The following AAMDC variants were observed in gnomAD, a reference collection of about 807,000 sequenced individuals.
The protein encoded by AAMDC is mth938 domain-containing protein.
In AAMDC, 16 loss-of-function variants were observed where a neutral mutation model predicts 15.5. The observed-to-expected ratio is 1.03, with a 90% confidence interval of 0.70 to 1.57. AAMDC has a LOEUF of 1.57. AAMDC is among the 40% of genes most tolerant of loss of function. AAMDC has a pLI of 0.00. For synonymous variants in AAMDC, 51 were observed against 51.6 expected (o/e 0.99, Z 0.05); for missense variants, 141 against 144.9 (o/e 0.97, Z 0.14).
At chr11:77,866,495 A>C (rs1181868361) in intron 2 of AAMDC, 5 of 152,146 alleles carry the variant, frequency 3.3e-5, no homozygotes, top group Non-Finnish European at 5.9e-5. Flanking sequence ...GTTATCTTTC[A>C]TTGCTTTGTA....
Position 77,842,535 on chromosome 11 carries a change from A to G in AAMDC, c.39A>G (p.Gln13=). 2 of 1,614,004 alleles carry G rather than the reference A, an allele frequency of 1.2e-6. No homozygotes were observed. The highest frequency in any genetic ancestry group is 1.7e-6 in the Non-Finnish European group (2 of 1,179,990). The change falls in exon 2 of 4, where the codon CAA becomes CAG. Residue 13 remains glutamine, a synonymous_variant. Transcript: ENST00000393427. ...AAATTGCTTCCTTATCATGGGGGCA[A>G]ATGAAAGTAAAAGGCTCTAATACAA... The part of the protein sequence containing the change: ...SPEIASLSWG[Q]MKVKGSNTTY...
chr11:77,863,056 C>T (rs1339884223), intron 2 of AAMDC, among the ~76,000 whole-genome samples: 1 of 152,048 alleles, frequency 6.6e-6, no homozygotes, highest in Non-Finnish European at 1.5e-5. Context: ...TGGCAAGCCT[C>T]GTGTTCTCTG....
At chr11:77,904,672 C>A (rs986421107), downstream of AAMDC, among the ~76,000 whole-genome samples, 2 of 152,164 alleles carry the variant, frequency 1.3e-5, no homozygotes, top group African/African-American at 4.8e-5. Context: ...TACTTCTAAT[C>A]ATTTCTTGTA....
intron 1 of AAMDC, among the ~76,000 whole-genome samples, chr11:77,831,362 A>C (rs142189981): frequency 6.6e-6 from 1 of 152,322 alleles, no homozygotes; most frequent in East Asian, 1.9e-4. Flanking sequence ...AAGAAAAATG[A>C]GCATATGTCC....
At chr11:77,876,882 G>A (rs992672553), downstream of AAMDC, 20 of 673,402 alleles carry the variant, frequency 3.0e-5, 1 homozygote, top group African/African-American at 2.1e-4. Flanking sequence ...TCTTCCCTTA[G>A]AAGGTTTTCT....
chr11:77,894,165 C>G, intron 5 of AAMDC: 1 of 578,552 alleles, frequency 1.7e-6, no homozygotes, highest in Non-Finnish European at 3.1e-6. Flanking sequence ...GACATGGCCA[C>G]AGATGATAGC....
At chr11:77,855,176 C>T (rs1950561322) in intron 2 of AAMDC, among the ~76,000 whole-genome samples, 1 of 152,198 alleles carries the variant, frequency 6.6e-6, no homozygotes, top group South Asian at 2.1e-4. Flanking sequence ...GCCTCCAGGC[C>T]TGTGATGGGA....
chr11:77,902,844 T>C (rs375109628), downstream of AAMDC, among the ~76,000 whole-genome samples: 1 of 152,176 alleles, frequency 6.6e-6, no homozygotes, highest in Admixed American at 6.5e-5. Context: ...TAAAGCCTAC[T>C]TAATGAACTA....
At chr11:77,890,012 A>C (rs1438752868) in intron 5 of AAMDC, among the ~76,000 whole-genome samples, 2 of 152,204 alleles carry the variant, frequency 1.3e-5, no homozygotes, top group Non-Finnish European at 2.9e-5. Context: ...ATGAACTCTT[A>C]AACACTAGTG....
intron 1 of AAMDC, among the ~76,000 whole-genome samples, chr11:77,841,541 T>G (rs1949932520): frequency 6.6e-6 from 1 of 152,204 alleles, no homozygotes; most frequent in Non-Finnish European, 1.5e-5. Context: ...GCGTTCAAAG[T>G]CCAGCTGTTG....
intron 1 of AAMDC, among the ~76,000 whole-genome samples, chr11:77,839,981 T>C (rs1025382760): frequency 6.6e-6 from 1 of 152,112 alleles, no homozygotes; most frequent in South Asian, 2.1e-4. Context: ...GTAAAAAAGA[T>C]GTTACATGCA....
At chr11:77,852,861 T>G (rs1292541252) in intron 2 of AAMDC, among the ~76,000 whole-genome samples, 2 of 152,202 alleles carry the variant, frequency 1.3e-5, no homozygotes, top group African/African-American at 2.4e-5. Context: ...TATCAGTTCA[T>G]AGAGATATGT....
At chr11:77,824,044 C>G (rs747727518) in intron 1 of AAMDC, among the ~76,000 whole-genome samples, 20 of 152,126 alleles carry the variant, frequency 1.3e-4, no homozygotes, top group Non-Finnish European at 2.4e-4. Flanking sequence ...GAAACAGAGT[C>G]CTTTGGCATC....
downstream of AAMDC, among the ~76,000 whole-genome samples, chr11:77,901,725 A>G (rs1272164135): frequency 6.6e-6 from 1 of 152,050 alleles, no homozygotes; most frequent in African/African-American, 2.4e-5. Context: ...AAGAGAATAA[A>G]TTATTTTGCC....
intron 5 of AAMDC, chr11:77,891,531 TTCTG>T: frequency 6.3e-7 from 1 of 1,589,626 alleles, no homozygotes; most frequent in Non-Finnish European, 8.6e-7. Flanking sequence ...CGCATCTTTT[TTCTG>T]TCTCCTTATC....
At chr11:77,851,628 A>C (rs998064355) in intron 2 of AAMDC, 3 of 152,090 alleles carry the variant, frequency 2.0e-5, no homozygotes, top group African/African-American at 7.2e-5. Context: ...TGTCTTGGTG[A>C]TAGTGAGTGA....
chr11:77,843,546 A>G (rs1277338816), intron 2 of AAMDC, among the ~76,000 whole-genome samples: 2 of 152,192 alleles, frequency 1.3e-5, no homozygotes, highest in Admixed American at 1.3e-4. Context: ...TGGGGCAGGA[A>G]GGCATTTATC....
intron 2 of AAMDC, among the ~76,000 whole-genome samples, chr11:77,854,401 CAGTT>C (rs1388353219): frequency 1.3e-5 from 2 of 152,182 alleles, no homozygotes; most frequent in Admixed American, 6.5e-5. Flanking sequence ...AGATCAAAAA[CAGTT>C]AGTTACTTCC....
rs552231595 is a variant in AAMDC at position 77,888,135 on chromosome 11, A to G, written c.328+11086A>G. ...CGCCAAGTCAATCCTAAGCCAAAAGAACAAAGCTGGAGGCATCATGCTACC... is the reference window on the plus strand; with the variant it reads ...CGCCAAGTCAATCCTAAGCCAAAAGGACAAAGCTGGAGGCATCATGCTACC... On this transcript the variant is annotated intron_variant, in intron 5 of 5. Coordinates refer to the AAMDC transcript ENST00000304716. Among the ~76,000 whole-genome samples the G allele has an allele frequency of 4.1e-4, 62 of 152,342 alleles. 1 individual carries two copies. The South Asian group carries it at 8.1e-3, about 20-fold the overall frequency.
Sources: gnomAD v4.1 joint callset for allele counts (sites outside exome capture counted in the v4.1 genomes callset) on GRCh38, gnomAD v4.1.1 for gene constraint, MANE v1.5 for transcripts, NCBI Gene and HGNC (gene_info 2026-07-23, HGNC 2026-07-21) for gene names.